NXPE4: variants seen among roughly 807,000 people sequenced by gnomAD.
NXPE4 encodes the protein neurexophilin and PC-esterase domain family member 4.
Under a neutral mutation model 33.3 loss-of-function variants are expected in NXPE4, and 42 were observed. That is an observed-to-expected ratio of 1.26 (90% confidence interval 0.98 to 1.63). The LOEUF (loss-of-function observed/expected upper bound fraction) is 1.63, where lower values mean the gene tolerates loss of function less well. NXPE4 is among the 40% of genes most tolerant of loss of function. The pLI, the probability that NXPE4 is intolerant of heterozygous loss-of-function variation, is 0.00. For synonymous variants in NXPE4, 253 were observed against 234.9 expected (o/e 1.08, Z -0.71); for missense variants, 709 against 647.6 (o/e 1.09, Z -1.03).
chr11:114,640,872 A>G, the NXPE4 span, among the ~76,000 whole-genome samples: 2 of 152,022 alleles, frequency 1.3e-5, no homozygotes, highest in African/African-American at 4.8e-5. Context: ...TCAAATGTGT[A>G]GGTTACAAAT....
chr11:114,577,058 C>G (rs7938484), intron 5 of NXPE4, among the ~76,000 whole-genome samples: 1 of 29,928 alleles, frequency 3.3e-5, no homozygotes, highest in African/African-American at 1.0e-4. Flanking sequence ...TATATATATA[C>G]ATATATATAT....
the NXPE4 span, among the ~76,000 whole-genome samples, chr11:114,635,026 T>C: frequency 3.9e-5 from 6 of 152,108 alleles, no homozygotes; most frequent in Admixed American, 2.6e-4. Context: ...TTGATGGGGA[T>C]GGCATTGAGT....
At chr11:114,583,160 A>C (rs142540044) in intron 2 of NXPE4, 139 bp from the exon 3 acceptor site, 5 of 922,234 alleles carry the variant, frequency 5.4e-6, no homozygotes, top group African/African-American at 3.4e-5. Context: ...ATTGATTTAC[A>C]TACTATTATC....
the NXPE4 span, among the ~76,000 whole-genome samples, chr11:114,636,160 A>T: frequency 6.6e-6 from 1 of 151,948 alleles, no homozygotes. Flanking sequence ...TGGTCTATTC[A>T]GAGATTCAAC....
chr11:114,605,624 G>C, the NXPE4 span, among the ~76,000 whole-genome samples: 46 of 150,042 alleles, frequency 3.1e-4, 1 homozygote, highest in African/African-American at 1.0e-3. Context: ...GATAATAAGT[G>C]TTGCCTCGTG....
chr11:114,603,581 G>A, the NXPE4 span, among the ~76,000 whole-genome samples: 2 of 150,980 alleles, frequency 1.3e-5, no homozygotes, highest in Non-Finnish European at 3.0e-5. Context: ...CGTCTCCTAG[G>A]TAACTCCTAT....
chr11:114,627,202 C>A, the NXPE4 span, among the ~76,000 whole-genome samples: 1 of 151,518 alleles, frequency 6.6e-6, no homozygotes, highest in Admixed American at 6.6e-5. Flanking sequence ...AGAGCAACCC[C>A]AAGACACATA....
chr11:114,645,664 CAAAGT>C, the NXPE4 span, among the ~76,000 whole-genome samples: 1 of 151,748 alleles, frequency 6.6e-6, no homozygotes, highest in African/African-American at 2.4e-5. Context: ...AGAACTCCTC[CAAAGT>C]AAAGGGAAAG....
chr11:114,647,722 G>A, the NXPE4 span, among the ~76,000 whole-genome samples: 6 of 146,182 alleles, frequency 4.1e-5, no homozygotes, highest in African/African-American at 1.5e-4. Flanking sequence ...TTTTTTTTGA[G>A]ACAGAATCTC....
chr11:114,636,609 A>G, the NXPE4 span, among the ~76,000 whole-genome samples: 14 of 151,896 alleles, frequency 9.2e-5, no homozygotes, highest in Non-Finnish European at 2.1e-4. Context: ...TAGTGCTATA[A>G]ATTTCCCTCT....
At chr11:114,635,668 G>C in the NXPE4 span, among the ~76,000 whole-genome samples, 3 of 151,944 alleles carry the variant, frequency 2.0e-5, no homozygotes, top group Middle Eastern at 3.4e-3. Context: ...AGAGTTTTTA[G>C]CCTGAAGTAT....
At chr11:114,605,885 GCA>G in the NXPE4 span, among the ~76,000 whole-genome samples, 1 of 151,556 alleles carries the variant, frequency 6.6e-6, no homozygotes, top group Non-Finnish European at 1.5e-5. Context: ...GTTGCCTCGT[GCA>G]TAACCAATGT....
chr11:114,606,844 C>T, the NXPE4 span, among the ~76,000 whole-genome samples: 8 of 151,778 alleles, frequency 5.3e-5, no homozygotes, highest in Non-Finnish European at 8.8e-5. Context: ...AGTGTTGCCT[C>T]GTGGGTAATC....
At chr11:114,577,010 TA>T (rs1949011713) in intron 5 of NXPE4, among the ~76,000 whole-genome samples, 8 of 1,244 alleles carry the variant, frequency 6.4e-3, no homozygotes, top group Non-Finnish European at 0.011. Context: ...TATATAAAGT[TA>T]TATATATATA....
At chr11:114,655,694 T>C in the NXPE4 span, among the ~76,000 whole-genome samples, 1 of 152,226 alleles carries the variant, frequency 6.6e-6, no homozygotes, top group South Asian at 2.1e-4. Flanking sequence ...ATATCTGTTT[T>C]GGTAGCAGTA....
At chr11:114,596,961 T>A (rs528479766), upstream of NXPE4, among the ~76,000 whole-genome samples, 1 of 152,344 alleles carries the variant, frequency 6.6e-6, no homozygotes, top group East Asian at 1.9e-4. Flanking sequence ...GAAACAGGGC[T>A]GAATCCAAGA....
chr11:114,669,511 C>T, the NXPE4 span, among the ~76,000 whole-genome samples: 3 of 152,026 alleles, frequency 2.0e-5, no homozygotes, highest in Admixed American at 2.0e-4. Context: ...GCTTAGAAGT[C>T]CTGGACTCTC....
chr11:114,602,266 A>G, the NXPE4 span, among the ~76,000 whole-genome samples: 1 of 118,450 alleles, frequency 8.4e-6, no homozygotes, highest in African/African-American at 3.4e-5. Context: ...TATATATAAT[A>G]TATATTATAC....
chr11:114,662,502 G>A, the NXPE4 span, among the ~76,000 whole-genome samples: 1 of 152,170 alleles, frequency 6.6e-6, no homozygotes. Flanking sequence ...GCTGCTACTA[G>A]TGCTGAACTT....
Sources: gnomAD v4.1 joint callset for allele counts (sites outside exome capture counted in the v4.1 genomes callset) on GRCh38, gnomAD v4.1.1 for gene constraint, MANE v1.5 for transcripts, NCBI Gene and HGNC (gene_info 2026-07-23, HGNC 2026-07-21) for gene names.